Variants in TCF4 observed in about 807,000 individuals in gnomAD.
The protein encoded by TCF4 is SL3-3 enhancer factor 2.
In TCF4, 3 loss-of-function variants were observed where a neutral mutation model predicts 82.1. The ratio of observed to expected loss-of-function variants is 0.04; its 90% CI spans 0.02 to 0.09. TCF4 has a LOEUF of 0.09. TCF4 is among the 10% of genes least tolerant of loss of function. The pLI is 1.00. For synonymous variants in TCF4, 276 were observed against 309.6 expected (o/e 0.89, Z 1.14); for missense variants, 518 against 852.7 (o/e 0.61, Z 4.89).
intron 8 of TCF4, among the ~76,000 whole-genome samples, chr18:55,344,852 T>C (rs144875144): frequency 6.0e-4 from 92 of 152,236 alleles, no homozygotes; most frequent in African/African-American, 2.1e-3. Context: ...CCTTTTTGTT[T>C]GTAAAGATAA....
chr18:55,514,853 T>C (rs2096865569), intron 3 of TCF4, among the ~76,000 whole-genome samples: 2 of 152,198 alleles, frequency 1.3e-5, no homozygotes, highest in South Asian at 2.1e-4. Context: ...ACAATTTTTA[T>C]ATAATGCATA....
intron 8 of TCF4, among the ~76,000 whole-genome samples, chr18:55,337,177 A>G (rs2078835833): frequency 6.6e-6 from 1 of 152,184 alleles, no homozygotes. Flanking sequence ...AAGGTTAATC[A>G]GAATTCTCTC....
chr18:55,509,604 G>A (rs2096802307), intron 3 of TCF4, among the ~76,000 whole-genome samples: 2 of 152,110 alleles, frequency 1.3e-5, no homozygotes, highest in Non-Finnish European at 2.9e-5. Flanking sequence ...AGAGTAAAAT[G>A]GCTAGTGGCT....
At chr18:55,454,242 T>C (rs1321033619) in intron 5 of TCF4, among the ~76,000 whole-genome samples, 1 of 152,192 alleles carries the variant, frequency 6.6e-6, no homozygotes, top group African/African-American at 2.4e-5. Flanking sequence ...CAGGCCACAC[T>C]GTAATATGGC....
intron 3 of TCF4, among the ~76,000 whole-genome samples, chr18:55,579,623 A>T (rs915017336): frequency 1.3e-5 from 2 of 151,940 alleles, no homozygotes; most frequent in African/African-American, 2.4e-5. Flanking sequence ...TTCAAAACAC[A>T]CCATGTTCCT....
intron 16 of TCF4, 114 bp downstream of exon 16, chr18:55,234,434 T>G: frequency 6.8e-7 from 1 of 1,478,462 alleles, no homozygotes; most frequent in Non-Finnish European, 9.4e-7. Context: ...GTGCCCAATT[T>G]GATTCCTGGG....
chr18:55,392,854 A>AT lies in TCF4; in HGVS notation c.369+10599dup, dbSNP rs543920597. On this transcript the variant is annotated intron_variant, in intron 6 of 19. Transcript: ENST00000354452. Reference sequence around the variant, plus strand: ...TATAGTGGGCAACTTGTCTTTTTGGATTTTTTCTATGAAAATATAAAGCAA... The same window carrying AT: ...TATAGTGGGCAACTTGTCTTTTTGGATTTTTTTCTATGAAAATATAAAGCAA... Among the ~76,000 whole-genome samples, 17 of 152,178 alleles carry AT rather than the reference A, an allele frequency of 1.1e-4. 1 individual carries two copies. In the South Asian group the frequency reaches 2.1e-3, roughly 19 times the overall value.
chr18:55,538,026 G>GCGCACACACACACA (rs1277287061), intron 3 of TCF4, among the ~76,000 whole-genome samples: 2 of 131,504 alleles, frequency 1.5e-5, no homozygotes, highest in Non-Finnish European at 3.4e-5. Context: ...CTGCGCGCGC[G>GCGCACACACACACA]CACACACACA....
At chr18:55,421,932 GA>G (rs2094775040) in intron 5 of TCF4, among the ~76,000 whole-genome samples, 2 of 151,982 alleles carry the variant, frequency 1.3e-5, no homozygotes, top group Admixed American at 1.3e-4. Flanking sequence ...AATATTTGTC[GA>G]TATCTCTGCT....
intron 3 of TCF4, among the ~76,000 whole-genome samples, chr18:55,520,974 C>T (rs1325531748): frequency 6.6e-6 from 1 of 152,082 alleles, no homozygotes; most frequent in East Asian, 1.9e-4. Context: ...ATACCTAGGC[C>T]TTGGTATCTT....
chr18:55,361,233 T>G (rs1476069016), intron 6 of TCF4, among the ~76,000 whole-genome samples: 2 of 152,094 alleles, frequency 1.3e-5, no homozygotes, highest in South Asian at 4.2e-4. Context: ...GAGACCAAAC[T>G]TCAGAGCTTG....
intron 5 of TCF4, among the ~76,000 whole-genome samples, chr18:55,431,343 G>A (rs1021924323): frequency 2.0e-5 from 3 of 152,106 alleles, no homozygotes; most frequent in African/African-American, 4.8e-5. Context: ...GCAATGGGGC[G>A]ATCTCGGCTC....
At chr18:55,455,000 A>G (rs963607873) in intron 5 of TCF4, among the ~76,000 whole-genome samples, 4 of 152,044 alleles carry the variant, frequency 2.6e-5, no homozygotes, top group African/African-American at 9.7e-5. Flanking sequence ...CAGCCTGGCT[A>G]ACATGGTAAA....
intron 10 of TCF4, among the ~76,000 whole-genome samples, chr18:55,272,602 A>G (rs2060615727): frequency 6.6e-6 from 1 of 152,174 alleles, no homozygotes; most frequent in African/African-American, 2.4e-5. Context: ...TTAGAAAAAT[A>G]TAATAACTGG....
intron 3 of TCF4, among the ~76,000 whole-genome samples, chr18:55,560,538 A>G (rs913408668): frequency 1.3e-5 from 2 of 152,210 alleles, no homozygotes; most frequent in African/African-American, 4.8e-5. Flanking sequence ...GGCAACTGAC[A>G]TATGTGGACA....
intron 8 of TCF4, among the ~76,000 whole-genome samples, chr18:55,330,603 G>T (rs2077383082): frequency 6.6e-6 from 1 of 151,934 alleles, no homozygotes. Flanking sequence ...GTCTCGCTCT[G>T]TCACCAGGCT....
intron 3 of TCF4, among the ~76,000 whole-genome samples, chr18:55,489,404 C>T (rs1049519013): frequency 3.3e-5 from 5 of 152,010 alleles, no homozygotes; most frequent in Non-Finnish European, 7.4e-5. Flanking sequence ...ACAAGTGCCA[C>T]GAGCTGCAGT....
intron 3 of TCF4, among the ~76,000 whole-genome samples, chr18:55,567,319 A>G (rs531681523): frequency 1.3e-5 from 2 of 152,320 alleles, no homozygotes; most frequent in African/African-American, 4.8e-5. Flanking sequence ...ATGTAATAAT[A>G]TAATTTCAAT....
intron 8 of TCF4, among the ~76,000 whole-genome samples, chr18:55,328,061 C>T (rs2076884110): frequency 6.6e-6 from 1 of 152,094 alleles, no homozygotes; most frequent in Non-Finnish European, 1.5e-5. Context: ...TAGCTAATAG[C>T]ATTATGTGAT....
Sources: gnomAD v4.1 joint callset for allele counts (sites outside exome capture counted in the v4.1 genomes callset) on GRCh38, gnomAD v4.1.1 for gene constraint, MANE v1.5 for transcripts, NCBI Gene and HGNC (gene_info 2026-07-23, HGNC 2026-07-21) for gene names.